ST8SIA6: variants seen among roughly 807,000 people sequenced by gnomAD.
ST8SIA6 encodes alpha-2,8-sialyltransferase 8F.
ST8SIA6 carries 39 observed loss-of-function variants against 33.6 expected under a neutral mutation model. The observed-to-expected ratio is 1.16, with a 90% confidence interval of 0.90 to 1.52. The LOEUF is 1.52. Ranked by LOEUF, ST8SIA6 falls within the 40% of genes most tolerant of loss-of-function variation. ST8SIA6 has a pLI of 0.00. For missense variants in ST8SIA6, 441 were observed against 443.8 expected, an observed-to-expected ratio of 0.99 and a Z score of 0.06; for synonymous variants, 172 against 167.2, an observed-to-expected ratio of 1.03 and a Z score of -0.22.
rs115320997 is a variant in ST8SIA6, at chr10:17,344,582, A to G, written c.378-13030T>C. On this transcript the variant is annotated intron_variant, in intron 4 of 7. Coordinates refer to ENST00000377602, the MANE Select transcript of ST8SIA6 (RefSeq NM_001004470.3). ...ACAACATATGGGCATTAGGAGAGCT[A>G]TAATTCAAGATGAGATTTGAGTGAG... 3.1e-3 allele frequency among the ~76,000 whole-genome samples: 479 copies of G among 152,386 alleles called. 1 individual carries two copies. The highest frequency in any genetic ancestry group is 0.01 in the African/African-American group (428 of 41,598).
At chr10:17,453,507 C>T (rs1852997092) in intron 2 of ST8SIA6, 52 bp downstream of exon 2, 2 of 1,249,014 alleles carry the variant, frequency 1.6e-6, no homozygotes, top group Non-Finnish European at 1.0e-6. Context: ...GCGCCCCATG[C>T]CCGGCTCGCA....
At chr10:17,338,756 G>C (rs961809951) in intron 4 of ST8SIA6, among the ~76,000 whole-genome samples, 1 of 152,144 alleles carries the variant, frequency 6.6e-6, no homozygotes, top group Admixed American at 6.5e-5. Context: ...TTGAAAAGAA[G>C]CCTCTGGCTT....
chr10:17,415,803 CTTTTTTTTTTTTTT>C (rs968920842), intron 2 of ST8SIA6, among the ~76,000 whole-genome samples: 1 of 92,232 alleles, frequency 1.1e-5, no homozygotes, highest in South Asian at 3.7e-4. Flanking sequence ...CCTCACTTGT[CTTTTTTTTTTTTTT>C]TTTTTTTTTT....
chr10:17,349,739 C>A (rs1399637303), intron 4 of ST8SIA6, among the ~76,000 whole-genome samples: 1 of 151,966 alleles, frequency 6.6e-6, no homozygotes, highest in Non-Finnish European at 1.5e-5. Flanking sequence ...AATAAAATGC[C>A]TGAAACAAAC....
intron 1 of ST8SIA6, among the ~76,000 whole-genome samples, chr10:17,453,883 G>T (rs534017054): frequency 2.0e-4 from 30 of 152,252 alleles, no homozygotes; most frequent in Non-Finnish European, 3.5e-4. Context: ...GGCAGGTCCC[G>T]CTCCACAGCT....
At chr10:17,342,743 G>A (rs1285488481) in intron 4 of ST8SIA6, among the ~76,000 whole-genome samples, 1 of 152,090 alleles carries the variant, frequency 6.6e-6, no homozygotes, top group Non-Finnish European at 1.5e-5. Context: ...GAGTTCAGAA[G>A]TTTGAGACCA....
chr10:17,334,538 CA>C (rs1165323563), intron 4 of ST8SIA6, among the ~76,000 whole-genome samples: 10 of 88,492 alleles, frequency 1.1e-4, no homozygotes, highest in South Asian at 3.9e-4. Context: ...GACTCCGTTT[CA>C]AAAAAAAAAA....
chr10:17,331,740 C>CT (rs5783548), intron 4 of ST8SIA6, among the ~76,000 whole-genome samples, 188 bp from the exon 5 acceptor site: 10,823 of 152,020 alleles, frequency 0.071, 546 homozygotes, highest in African/African-American at 0.13. Context: ...GACTGACTCT[C>CT]TTTTTTTTCA....
rs1847921962 is a variant in ST8SIA6 at position 17,320,991 on chromosome 10, T to C, written c.1084A>G (p.Asn362Asp). 4 of 1,614,112 alleles carry C rather than the reference T, an allele frequency of 2.5e-6. No homozygotes were observed. The Admixed American group carries it at 5.0e-5, about 20-fold the overall frequency. Residue 362 changes from asparagine to aspartate, a missense_variant, in exon 8 of 8, where the codon AAC becomes GAC. Transcript: ENST00000377602. ...DIPVSHHYYD[N>D]KLPKHGFHQM... is the part of the protein sequence containing the mutation. ...TGGAAACCATGTTTAGGTAGCTTGT[T>C]GTCATAATAGTGATGGCTGACAGGT...
intron 4 of ST8SIA6, among the ~76,000 whole-genome samples, chr10:17,347,870 C>T (rs1328468487): frequency 6.8e-6 from 1 of 147,116 alleles, no homozygotes; most frequent in East Asian, 2.0e-4. Flanking sequence ...GCAGGAGAAT[C>T]GCTTGAACCC....
At chr10:17,372,644 GTAA>G (rs1353941764) in intron 3 of ST8SIA6, among the ~76,000 whole-genome samples, 1 of 152,200 alleles carries the variant, frequency 6.6e-6, no homozygotes, top group Non-Finnish European at 1.5e-5. Context: ...GATTATTACA[GTAA>G]TAATAATTAT....
At chr10:17,397,226 G>GTTTTTTTTTTTTTTTTTTTTTTTTTTTT (rs1483021820) in intron 2 of ST8SIA6, among the ~76,000 whole-genome samples, 1 of 80,060 alleles carries the variant, frequency 1.2e-5, no homozygotes, top group Non-Finnish European at 2.4e-5. Flanking sequence ...TTTGCAAATT[G>GTTTTTTTTTTTTTTTTTTTTTTTTTTTT]TTTTTTGTTT....
chr10:17,327,779 C>T (rs1393630171), intron 5 of ST8SIA6, among the ~76,000 whole-genome samples: 2 of 151,682 alleles, frequency 1.3e-5, no homozygotes, highest in East Asian at 1.9e-4. Flanking sequence ...TGGTGAAGAG[C>T]GCCAGTAGTC....
At chr10:17,379,268 A>G (rs764554603) in intron 3 of ST8SIA6, among the ~76,000 whole-genome samples, 1 of 152,118 alleles carries the variant, frequency 6.6e-6, no homozygotes, top group African/African-American at 2.4e-5. Flanking sequence ...AGGGAATGGG[A>G]GAGAGGCAGA....
At position 17,320,955 on chromosome 10, in the gene ST8SIA6, T is replaced by C; in HGVS notation, c.1120A>G (p.Lys374Glu). The change falls in exon 8 of 8, where the codon AAA becomes GAA. Residue 374 changes from lysine to glutamate, a missense_variant. Physicochemically the swap from Lys to Glu is moderately conservative, Grantham distance 56. Coordinates refer to ENST00000377602, the MANE Select transcript of ST8SIA6 (RefSeq NM_001004470.3). Reference sequence around the variant, plus strand: ...AGTTGGAGGATCTGGCTGTATTCTTTGGGCATCTGATGGAAACCATGTTTA... The same window carrying C: ...AGTTGGAGGATCTGGCTGTATTCTTCGGGCATCTGATGGAAACCATGTTTA... ...LPKHGFHQMP[K>E]EYSQILQLHM... is the part of the protein sequence containing the mutation. The C allele has an allele frequency of 6.2e-7, 1 of 1,614,144 alleles. No individual in the cohort carries two copies. Among genetic ancestry groups the C allele is most frequent in the Non-Finnish European group, 8.5e-7 (1 of 1,179,970 alleles).
chr10:17,395,654 G>A (rs919391976), intron 2 of ST8SIA6, among the ~76,000 whole-genome samples: 6 of 152,108 alleles, frequency 3.9e-5, no homozygotes, highest in Non-Finnish European at 8.8e-5. Context: ...AGGCCAAGGC[G>A]GGCAGATCAC....
chr10:17,445,319 G>A (rs1852666747), intron 2 of ST8SIA6, among the ~76,000 whole-genome samples: 1 of 152,008 alleles, frequency 6.6e-6, no homozygotes, highest in African/African-American at 2.4e-5. Flanking sequence ...ACAGACACAA[G>A]TCTACACAAA....
chr10:17,395,250 T>G (rs1273743858), intron 2 of ST8SIA6, among the ~76,000 whole-genome samples: 1 of 152,234 alleles, frequency 6.6e-6, no homozygotes, highest in Non-Finnish European at 1.5e-5. Flanking sequence ...TTTTTCTTTA[T>G]GAATTACCCA....
intron 1 of ST8SIA6, among the ~76,000 whole-genome samples, chr10:17,453,904 C>A (rs1038798455): frequency 4.6e-5 from 7 of 152,150 alleles, no homozygotes; most frequent in African/African-American, 1.4e-4. Flanking sequence ...GCCTCGCCCA[C>A]AGCGATGCGC....
Sources: allele counts gnomAD v4.1 joint callset (sites outside exome capture counted in the v4.1 genomes callset), GRCh38; gene constraint gnomAD v4.1.1; transcripts MANE v1.5; gene names NCBI Gene and HGNC (gene_info 2026-07-23, HGNC 2026-07-21).